The following FSTL5 variants were observed in gnomAD, a reference collection of about 807,000 sequenced individuals.
FSTL5 encodes follistatin like 5, also known as follistatin-related protein 5.
Under a neutral mutation model 89.1 loss-of-function variants are expected in FSTL5, and 62 were observed. That is an observed-to-expected ratio of 0.70 (90% CI 0.57 to 0.86). The LOEUF is 0.86. Among genes scored for constraint, FSTL5 ranks in the 40% least tolerant of loss-of-function variants. The pLI, the probability that FSTL5 is intolerant of heterozygous loss-of-function variation, is 0.00. For synonymous variants in FSTL5, 383 were observed against 346.2 expected, an observed-to-expected ratio of 1.11 and a Z score of -1.18; for missense variants, 1,057 against 1,001.6, an observed-to-expected ratio of 1.06 and a Z score of -0.75.
intron 3 of FSTL5, among the ~76,000 whole-genome samples, chr4:162,008,048 T>C (rs1736660399): frequency 6.6e-6 from 1 of 151,850 alleles, no homozygotes; most frequent in South Asian, 2.1e-4. Context: ...TACGTACTTA[T>C]AATTTGTTAT....
intron 3 of FSTL5, among the ~76,000 whole-genome samples, chr4:162,004,596 C>A (rs1229561197): frequency 2.0e-5 from 3 of 152,164 alleles, no homozygotes; most frequent in Non-Finnish European, 2.9e-5. Flanking sequence ...CAAATATTAT[C>A]ATATCAAGTA....
At chr4:161,533,168 G>GA (rs377735914) in intron 10 of FSTL5, among the ~76,000 whole-genome samples, 75 of 127,658 alleles carry the variant, frequency 5.9e-4, no homozygotes, top group South Asian at 3.6e-3. Flanking sequence ...TTAGAACTAG[G>GA]AAAAAAAAAA....
intron 10 of FSTL5, among the ~76,000 whole-genome samples, chr4:161,515,822 G>A (rs72685712): frequency 0.26 from 39,500 of 151,004 alleles, 6,477 homozygotes; most frequent in Non-Finnish European, 0.38. Flanking sequence ...TGTGTGTGGT[G>A]TGTGTCTATG....
At chr4:161,796,010 A>G (rs1011162137) in intron 4 of FSTL5, among the ~76,000 whole-genome samples, 1 of 151,916 alleles carries the variant, frequency 6.6e-6, no homozygotes, top group Non-Finnish European at 1.5e-5. Flanking sequence ...CCAAAAATAC[A>G]ATATCAGATT....
At chr4:161,581,131 C>A (rs1733423792) in intron 8 of FSTL5, among the ~76,000 whole-genome samples, 1 of 152,162 alleles carries the variant, frequency 6.6e-6, no homozygotes, top group African/African-American at 2.4e-5. Flanking sequence ...CACCTGTCAT[C>A]TTTTTAGGAG....
intron 15 of FSTL5, among the ~76,000 whole-genome samples, chr4:161,388,715 G>A (rs1730725138): frequency 6.6e-6 from 1 of 152,048 alleles, no homozygotes; most frequent in African/African-American, 2.4e-5. Context: ...TAGGCTCACT[G>A]AATAAAAGCA....
intron 6 of FSTL5, among the ~76,000 whole-genome samples, chr4:161,691,729 T>C (rs528085644): frequency 1.3e-5 from 2 of 152,274 alleles, no homozygotes; most frequent in East Asian, 3.9e-4. Flanking sequence ...TACAAGTCTT[T>C]TAGCTCCTTG....
chr4:161,980,764 C>CTTT lies in FSTL5; in HGVS notation c.160+52858_160+52860dup, dbSNP rs34223215. Among the ~76,000 whole-genome samples the CTTT allele has an allele frequency of 6.0e-4, 43 of 71,838 alleles. 3 individuals carry two copies. The highest frequency in any genetic ancestry group is 2.4e-3 in the East Asian group (5 of 2,048). The allele number at this position is 71,838 out of a possible 152,430, so 47.1% of individuals were successfully genotyped here. On this transcript the variant is annotated intron_variant, in intron 3 of 15. Transcript: ENST00000306100. ...ACTCAGTTGTACTTTCTTCAAGTAA[C>CTTT]TTTTTTTTTTTTTTTTTTTTTTTTT...
chr4:161,852,492 A>G (rs1156412689), intron 4 of FSTL5, among the ~76,000 whole-genome samples: 1 of 152,216 alleles, frequency 6.6e-6, no homozygotes, highest in African/African-American at 2.4e-5. Context: ...GAGACTAAGG[A>G]ATGGTTTTAC....
chr4:161,511,729 TAGG>T (rs1233087262), intron 10 of FSTL5, among the ~76,000 whole-genome samples: 2 of 151,914 alleles, frequency 1.3e-5, no homozygotes, highest in Non-Finnish European at 2.9e-5. Context: ...GTTATAGACA[TAGG>T]AGGAAAGAGA....
At chr4:161,749,597 A>T (rs1162203675) in intron 6 of FSTL5, among the ~76,000 whole-genome samples, 3 of 152,036 alleles carry the variant, frequency 2.0e-5, no homozygotes, top group African/African-American at 7.2e-5. Flanking sequence ...GGAGATCAAG[A>T]CCATCCTAGC....
rs1190080999 is a variant in FSTL5 at position 161,893,466 on chromosome 4, T to C, written c.409+26938A>G. ...TGGTTTTGCTTCATTTTTCTAATGT[T>C]CTCATCAATATAAACTAAAGCCATC... On this transcript the variant is annotated intron_variant, in intron 4 of 15. Transcript: ENST00000306100. Among the ~76,000 whole-genome samples the C allele has an allele frequency of 2.0e-5, 3 of 152,156 alleles. No homozygotes were observed. The East Asian group carries it at 5.8e-4, about 29-fold the overall frequency.
rs185986488 is a variant in FSTL5 at position 161,613,504 on chromosome 4, T to C, written c.895-25929A>G. Among the ~76,000 whole-genome samples, 304 of 150,624 alleles carry C rather than the reference T, an allele frequency of 2.0e-3. 1 individual carries two copies. The highest frequency in any genetic ancestry group is 3.6e-3 in the Non-Finnish European group (244 of 67,782). On this transcript the variant is annotated intron_variant, in intron 7 of 15. Coordinates refer to ENST00000306100, the MANE Select transcript of FSTL5 (RefSeq NM_020116.5). ...CATTTAATAAGTACTCAATAGTTGG[T>C]AAGGTTGATGATGGTTAGAGAAAGG...
intron 4 of FSTL5, among the ~76,000 whole-genome samples, chr4:161,874,138 TTTAA>T (rs1361864113): frequency 6.6e-6 from 1 of 152,106 alleles, no homozygotes; most frequent in Non-Finnish European, 1.5e-5. Context: ...AAAGGTGCTG[TTTAA>T]TTTAGTCTCC....
chr4:161,414,487 G>T (rs186370662), intron 15 of FSTL5, among the ~76,000 whole-genome samples: 1 of 152,132 alleles, frequency 6.6e-6, no homozygotes, highest in African/African-American at 2.4e-5. Flanking sequence ...GTCTACCAGC[G>T]TCAGAGGGTC....
intron 6 of FSTL5, among the ~76,000 whole-genome samples, chr4:161,721,593 C>T (rs62330797): frequency 6.6e-6 from 1 of 152,062 alleles, no homozygotes; most frequent in Non-Finnish European, 1.5e-5. Context: ...AAAGTAGGGG[C>T]CCAAACCCCA....
intron 7 of FSTL5, among the ~76,000 whole-genome samples, chr4:161,592,428 C>T (rs545290590): frequency 6.6e-6 from 1 of 151,894 alleles, no homozygotes; most frequent in Non-Finnish European, 1.5e-5. Context: ...CTCCCCTAGC[C>T]CCCCACCCCT....
At chr4:161,716,580 G>C (rs1738992038) in intron 6 of FSTL5, among the ~76,000 whole-genome samples, 1 of 152,056 alleles carries the variant, frequency 6.6e-6, no homozygotes, top group South Asian at 2.1e-4. Context: ...CTGGGCAACA[G>C]AGCGAAACCC....
chr4:161,876,392 A>G (rs1732444144), intron 4 of FSTL5, among the ~76,000 whole-genome samples: 1 of 152,220 alleles, frequency 6.6e-6, no homozygotes, highest in Admixed American at 6.5e-5. Flanking sequence ...ATTTCAAGTG[A>G]TTATTAGATT....
Sources: gnomAD v4.1 joint callset for allele counts (sites outside exome capture counted in the v4.1 genomes callset) on GRCh38, gnomAD v4.1.1 for gene constraint, MANE v1.5 for transcripts, NCBI Gene and HGNC (gene_info 2026-07-23, HGNC 2026-07-21) for gene names.